The following PDE6D variants were observed in gnomAD, a reference collection of about 807,000 sequenced individuals.
PDE6D encodes the protein retinal rod rhodopsin-sensitive cGMP 3',5'-cyclic phosphodiesterase subunit delta.
Under a neutral mutation model 21.9 loss-of-function variants are expected in PDE6D, and 10 were observed. The ratio of observed to expected loss-of-function variants is 0.46; its 90% CI spans 0.28 to 0.78. The LOEUF is 0.78. PDE6D is among the 30% of genes least tolerant of loss of function. PDE6D has a pLI of 0.12. For missense variants in PDE6D, 139 were observed against 184.8 expected (o/e 0.75, Z 1.44); for synonymous variants, 59 against 63.5 (o/e 0.93, Z 0.34).
intron 4 of PDE6D, among the ~76,000 whole-genome samples, chr2:231,735,793 G>A (rs2048695326): frequency 6.6e-6 from 1 of 151,844 alleles, no homozygotes; most frequent in Admixed American, 6.6e-5. Context: ...GGAGGTTGAG[G>A]CGGGTGGATC....
intron 1 of PDE6D, among the ~76,000 whole-genome samples, chr2:231,780,053 G>C (rs1005005142): frequency 3.3e-5 from 5 of 152,194 alleles, no homozygotes; most frequent in African/African-American, 9.7e-5. Flanking sequence ...ATTAAAGTTG[G>C]CAGGAGAATG....
At chr2:231,737,813 C>T in intron 3 of PDE6D, 200 bp downstream of exon 3, 1 of 532,698 alleles carries the variant, frequency 1.9e-6, no homozygotes, top group East Asian at 3.1e-5. Flanking sequence ...GTGTCAGAGA[C>T]CTCAAAGCCC....
chr2:231,774,709 C>A (rs909889576), intron 1 of PDE6D, among the ~76,000 whole-genome samples: 4 of 151,466 alleles, frequency 2.6e-5, no homozygotes, highest in Admixed American at 6.6e-5. Context: ...CTGCCTCAGG[C>A]ACCCTAATAA....
In PDE6D at chr2:231,732,886, A is replaced by G. The variant is rs1446711154; in HGVS notation, c.*66T>C. The G allele has an allele frequency of 4.7e-6, 5 of 1,069,682 alleles. No homozygotes were observed. Among genetic ancestry groups the G allele is most frequent in the Non-Finnish European group, 7.2e-6 (5 of 694,334 alleles). 66.3% of individuals were successfully genotyped at this position (1,069,682 alleles called of 1,614,324 possible). On this transcript the variant is annotated 3_prime_UTR_variant, in exon 5 of 5. Coordinates refer to ENST00000287600, the MANE Select transcript of PDE6D (RefSeq NM_002601.4). ...GTCAAAAATCAAACGTGTGGAGGAAAAAAGTAAACAGTTTCCTCCTCCCTC... is the reference window on the plus strand; with the variant it reads ...GTCAAAAATCAAACGTGTGGAGGAAGAAAGTAAACAGTTTCCTCCTCCCTC...
chr2:231,771,790 G>A (rs947785311), intron 1 of PDE6D, among the ~76,000 whole-genome samples: 1 of 152,122 alleles, frequency 6.6e-6, no homozygotes, highest in Non-Finnish European at 1.5e-5. Context: ...TTTAGGTGTA[G>A]AACATATCTC....
chr2:231,766,993 C>CAAAAAAAAA (rs3038045), intron 1 of PDE6D, among the ~76,000 whole-genome samples: 17 of 36,676 alleles, frequency 4.6e-4, no homozygotes, highest in Non-Finnish European at 6.0e-4. Flanking sequence ...GACTCCGTCT[C>CAAAAAAAAA]AAAAAAAAAA....
At chr2:231,753,019 G>A (rs2048854171) in intron 1 of PDE6D, among the ~76,000 whole-genome samples, 1 of 149,474 alleles carries the variant, frequency 6.7e-6, no homozygotes, top group African/African-American at 2.4e-5. Flanking sequence ...TTTTAGTAGA[G>A]ACGGGGTTTC....
At chr2:231,775,743 T>C (rs2049051138) in intron 1 of PDE6D, among the ~76,000 whole-genome samples, 1 of 152,178 alleles carries the variant, frequency 6.6e-6, no homozygotes, top group Non-Finnish European at 1.5e-5. Context: ...GCTTATCCTA[T>C]TGATTTGTAG....
intron 4 of PDE6D, among the ~76,000 whole-genome samples, chr2:231,735,816 G>A (rs1042625232): frequency 1.6e-4 from 24 of 151,852 alleles, no homozygotes; most frequent in African/African-American, 5.8e-4. Flanking sequence ...CCGAGGTTAG[G>A]AGTTCGAGAC....
intron 4 of PDE6D, among the ~76,000 whole-genome samples, chr2:231,734,396 AC>A (rs1559305247): frequency 2.6e-5 from 4 of 151,710 alleles, no homozygotes; most frequent in Non-Finnish European, 2.9e-5. Flanking sequence ...TCAAAAAAAA[AC>A]AGCAACAAAA....
At chr2:231,737,950 T>A in intron 3 of PDE6D, 63 bp downstream of exon 3, 1 of 1,491,192 alleles carries the variant, frequency 6.7e-7, no homozygotes, top group Non-Finnish European at 9.2e-7. Context: ...GTTCACTGGG[T>A]ATTGTTGCCT....
At chr2:231,780,812 C>T (rs1376092678) in intron 1 of PDE6D, among the ~76,000 whole-genome samples, 1 of 152,168 alleles carries the variant, frequency 6.6e-6, no homozygotes, top group Non-Finnish European at 1.5e-5. Flanking sequence ...AGCCCCGTCC[C>T]CCAGGCTCCC....
chr2:231,733,748 T>A (rs914852875), intron 4 of PDE6D, among the ~76,000 whole-genome samples: 2 of 152,136 alleles, frequency 1.3e-5, no homozygotes, highest in African/African-American at 4.8e-5. Flanking sequence ...CCTGTTTCTA[T>A]GACTTACAAC....
At chr2:231,772,803 C>A (rs1237144676) in intron 1 of PDE6D, among the ~76,000 whole-genome samples, 4 of 152,202 alleles carry the variant, frequency 2.6e-5, no homozygotes, top group African/African-American at 9.7e-5. Context: ...TGTCCCATTT[C>A]TCCAGAAGTT....
intron 1 of PDE6D, among the ~76,000 whole-genome samples, chr2:231,775,039 A>ATTACAG (rs1297699997): frequency 6.6e-6 from 1 of 151,496 alleles, no homozygotes; most frequent in Non-Finnish European, 1.5e-5. Flanking sequence ...CTGCCTCTTG[A>ATTACAG]GCAGCTGGGA....
At chr2:231,748,381 T>G (rs1559316767) in intron 1 of PDE6D, among the ~76,000 whole-genome samples, 1 of 152,172 alleles carries the variant, frequency 6.6e-6, no homozygotes, top group East Asian at 1.9e-4. Flanking sequence ...TCTGGAACTT[T>G]GAACTTGAGA....
intron 1 of PDE6D, among the ~76,000 whole-genome samples, chr2:231,747,918 C>T (rs1034095831): frequency 1.3e-5 from 2 of 152,148 alleles, no homozygotes; most frequent in Non-Finnish European, 1.5e-5. Context: ...TTTCTCTTGC[C>T]GCCGCCATGT....
intron 4 of PDE6D, among the ~76,000 whole-genome samples, chr2:231,735,048 C>T (rs1249440870): frequency 6.7e-6 from 1 of 149,768 alleles, no homozygotes. Flanking sequence ...CGAGACCATC[C>T]TGGCTAACAT....
intron 1 of PDE6D, among the ~76,000 whole-genome samples, chr2:231,764,157 G>C (rs965502725): frequency 5.3e-5 from 8 of 151,842 alleles, no homozygotes. Context: ...AGTGGCTCAA[G>C]CTTGTAATCC....
Sources: gnomAD v4.1 joint callset for allele counts (sites outside exome capture counted in the v4.1 genomes callset) on GRCh38, gnomAD v4.1.1 for gene constraint, MANE v1.5 for transcripts, NCBI Gene and HGNC (gene_info 2026-07-23, HGNC 2026-07-21) for gene names.